The following LUZP2 variants were observed in gnomAD, a reference collection of about 807,000 sequenced individuals.
The protein encoded by LUZP2 is leucine zipper protein 2.
In LUZP2, 52 loss-of-function variants were observed where a neutral mutation model predicts 51.6. The ratio of observed to expected loss-of-function variants is 1.01; its 90% CI spans 0.81 to 1.27. LUZP2 has a LOEUF of 1.27. LUZP2 is among the 50% of genes most tolerant of loss of function. The pLI is 0.00. For missense variants in LUZP2, 436 were observed against 395.4 expected (o/e 1.10, Z -0.87); for synonymous variants, 154 against 137.3 (o/e 1.12, Z -0.85).
chr11:24,832,939 G>A (rs1404923289), intron 5 of LUZP2, among the ~76,000 whole-genome samples: 1 of 152,082 alleles, frequency 6.6e-6, no homozygotes, highest in Non-Finnish European at 1.5e-5. Context: ...GAGGCCAGAG[G>A]TCTGGATTTC....
At chr11:24,923,048 C>T (rs1038508740) in intron 7 of LUZP2, among the ~76,000 whole-genome samples, 2 of 151,544 alleles carry the variant, frequency 1.3e-5, no homozygotes, top group South Asian at 2.1e-4. Context: ...CAGGGTTTCA[C>T]GGTTTTAGCC....
intron 10 of LUZP2, among the ~76,000 whole-genome samples, chr11:25,057,820 T>A (rs7104714): frequency 6.6e-6 from 1 of 151,618 alleles, no homozygotes; most frequent in Non-Finnish European, 1.5e-5. Flanking sequence ...CTATTCAACA[T>A]AAAAATATTG....
chr11:24,713,683 G>GTTTT lies in LUZP2; in HGVS notation c.63-15468_63-15465dup, dbSNP rs374748977. ...ATCCTGGATAACAGAGTGAGAATCTGTTTTTTTTTTTTTTTTTTTTTCTGA... is the reference window on the plus strand; with the variant it reads ...ATCCTGGATAACAGAGTGAGAATCTGTTTTTTTTTTTTTTTTTTTTTTTTTCTGA... On this transcript the variant is annotated intron_variant, in intron 1 of 11. Transcript: ENST00000336930. Among the ~76,000 whole-genome samples the GTTTT allele has an allele frequency of 1.2e-3, 112 of 89,634 alleles. 2 individuals are homozygous for GTTTT. The highest frequency in any genetic ancestry group is 2.1e-3 in the African/African-American group (46 of 21,866). The allele number at this position is 89,634 out of a possible 152,430, so 58.8% of individuals were successfully genotyped here.
At chr11:24,849,926 T>C (rs1178560192) in intron 5 of LUZP2, among the ~76,000 whole-genome samples, 1 of 152,228 alleles carries the variant, frequency 6.6e-6, no homozygotes, top group Non-Finnish European at 1.5e-5. Context: ...AAGTGTCTTC[T>C]TTTGAAAAGT....
At chr11:24,827,966 A>G (rs959748844) in intron 5 of LUZP2, among the ~76,000 whole-genome samples, 1 of 152,068 alleles carries the variant, frequency 6.6e-6, no homozygotes, top group Non-Finnish European at 1.5e-5. Context: ...GCTGAATGAC[A>G]TTTAGAGTTT....
intron 1 of LUZP2, among the ~76,000 whole-genome samples, chr11:24,617,642 G>A (rs1233248328): frequency 1.3e-5 from 2 of 152,032 alleles, no homozygotes; most frequent in Non-Finnish European, 2.9e-5. Flanking sequence ...GCAACACAGT[G>A]AAACCTCATC....
chr11:24,546,170 G>A (rs897874396), intron 1 of LUZP2, among the ~76,000 whole-genome samples: 1 of 151,966 alleles, frequency 6.6e-6, no homozygotes. Context: ...ATCAGCTTAA[G>A]GACCTTTTGG....
chr11:24,611,003 G>T lies in LUZP2; in HGVS notation c.62+113698G>T, dbSNP rs1854099455. Among the ~76,000 whole-genome samples, 1 of 152,028 alleles carries T rather than the reference G, an allele frequency of 6.6e-6. No individual in the cohort carries two copies. Among genetic ancestry groups the T allele is most frequent in the African/African-American group, 2.4e-5 (1 of 41,408 alleles). ...GATTAAACCAGAGTTATACCTACATGATATGTTTTAGGTCTTAAATTGTTA... is the reference window on the plus strand; with the variant it reads ...GATTAAACCAGAGTTATACCTACATTATATGTTTTAGGTCTTAAATTGTTA... On this transcript the variant is annotated intron_variant, in intron 1 of 11. Coordinates refer to ENST00000336930, the MANE Select transcript of LUZP2 (RefSeq NM_001009909.4). This position sits in a 1 kb window ranked among gnomAD's most constrained non-coding sequence, Gnocchi z 4.6.
intron 10 of LUZP2, among the ~76,000 whole-genome samples, chr11:25,063,614 T>A (rs1274865323): frequency 6.6e-6 from 1 of 151,920 alleles, no homozygotes; most frequent in Non-Finnish European, 1.5e-5. Flanking sequence ...TACCATTTTA[T>A]TCAGTGTCAT....
rs150968413 is a variant in LUZP2 at position 24,898,232 on chromosome 11, A to G, written c.397-7759A>G. Among the ~76,000 whole-genome samples, 757 of 136,704 alleles carry G rather than the reference A, an allele frequency of 5.5e-3. 4 individuals are homozygous for G. The highest frequency in any genetic ancestry group is 0.019 in the African/African-American group (727 of 37,846). The allele number at this position is 136,704 out of a possible 152,430, so 89.7% of individuals were successfully genotyped here. On this transcript the variant is annotated intron_variant, in intron 5 of 11. Transcript: ENST00000336930. The stretch of plus-strand genomic sequence containing the variant: ...AAAGCATATCTAAGACATCCAGTTT[A>G]TGAGTGACAATTATAAAAAAAAAAA...
At chr11:25,059,480 C>T (rs1229463331) in intron 10 of LUZP2, among the ~76,000 whole-genome samples, 1 of 152,130 alleles carries the variant, frequency 6.6e-6, no homozygotes, top group Non-Finnish European at 1.5e-5. Context: ...TCTAAATATA[C>T]TACTTTATTT....
At chr11:25,011,690 T>A (rs1856988939) in intron 9 of LUZP2, among the ~76,000 whole-genome samples, 1 of 152,090 alleles carries the variant, frequency 6.6e-6, no homozygotes, top group Admixed American at 6.6e-5. Context: ...GTTTTCAATT[T>A]TGTTTAAATT....
At chr11:24,663,281 G>T (rs1856083375) in intron 1 of LUZP2, among the ~76,000 whole-genome samples, 1 of 151,990 alleles carries the variant, frequency 6.6e-6, no homozygotes, top group Non-Finnish European at 1.5e-5. Flanking sequence ...AGATCTGATG[G>T]TTTAAAAGTT....
intron 7 of LUZP2, among the ~76,000 whole-genome samples, chr11:24,966,623 T>TAA (rs956711920): frequency 4.0e-5 from 6 of 148,546 alleles, no homozygotes; most frequent in African/African-American, 1.5e-4. Flanking sequence ...TTTATATATA[T>TAA]AATGGCTGAT....
At chr11:24,803,356 A>G (rs963917669) in intron 5 of LUZP2, among the ~76,000 whole-genome samples, 50 of 152,162 alleles carry the variant, frequency 3.3e-4, no homozygotes, top group Middle Eastern at 3.4e-3. Flanking sequence ...ACCAAAAAAC[A>G]AAAAACAACA....
intron 5 of LUZP2, chr11:24,786,781 A>T (rs1029501018): frequency 6.8e-6 from 1 of 146,266 alleles, no homozygotes; most frequent in Non-Finnish European, 1.5e-5. Context: ...ATGATTAGAA[A>T]GACTATCTTT....
At chr11:24,654,714 A>G (rs1590300888) in intron 1 of LUZP2, among the ~76,000 whole-genome samples, 2 of 138,880 alleles carry the variant, frequency 1.4e-5, no homozygotes, top group South Asian at 4.8e-4. Context: ...TAGTAGAGGC[A>G]GGGTTTCACC....
At chr11:24,550,645 A>G (rs1188007802) in intron 1 of LUZP2, among the ~76,000 whole-genome samples, 3 of 152,122 alleles carry the variant, frequency 2.0e-5, no homozygotes, top group Admixed American at 2.0e-4. Flanking sequence ...TCCTTCCTCA[A>G]TGGATCTATT....
At chr11:24,919,698 A>G (rs1853963551) in intron 7 of LUZP2, among the ~76,000 whole-genome samples, 1 of 149,768 alleles carries the variant, frequency 6.7e-6, no homozygotes, top group Non-Finnish European at 1.5e-5. Context: ...TTACATTATG[A>G]TGAAAAATCC....
Sources: gnomAD v4.1 joint callset for allele counts (sites outside exome capture counted in the v4.1 genomes callset) on GRCh38, gnomAD v4.1.1 for gene constraint, Gnocchi (gnomAD v3.1) non-coding constraint, MANE v1.5 for transcripts, NCBI Gene and HGNC (gene_info 2026-07-23, HGNC 2026-07-21) for gene names.